The following HERC4 variants were observed in gnomAD, a reference collection of about 807,000 sequenced individuals.
HERC4 encodes HECT and RLD domain containing E3 ubiquitin protein ligase 4.
A neutral mutation model predicts 124.3 loss-of-function variants in HERC4; 28 were observed. The observed-to-expected ratio is 0.23, with a 90% CI of 0.17 to 0.31. The LOEUF is 0.31. HERC4 is among the 10% of genes least tolerant of loss of function. The probability of loss-of-function intolerance (pLI) is 1.00; values close to 1 mark genes in which losing one functional copy is unlikely to be tolerated. For missense variants in HERC4, 713 were observed against 1,229.3 expected (o/e 0.58, Z 6.28); for synonymous variants, 407 against 421.5 (o/e 0.97, Z 0.42).
intron 3 of HERC4, among the ~76,000 whole-genome samples, chr10:68,051,691 CTTT>C (rs779623868): frequency 9.1e-5 from 10 of 109,584 alleles, no homozygotes; most frequent in Admixed American, 5.6e-4. Context: ...CTTTTCTTTT[CTTT>C]TTTTTTTTTT....
At chr10:67,934,716 C>T (rs1353502895) in intron 22 of HERC4, among the ~76,000 whole-genome samples, 1 of 152,120 alleles carries the variant, frequency 6.6e-6, no homozygotes, top group African/African-American at 2.4e-5. Flanking sequence ...AAATTTTGGT[C>T]TTCTAGCTTC....
rs1442990206 is a variant in HERC4 at position 67,922,280 on chromosome 10, G to T, written c.*651C>A. The T allele has an allele frequency of 6.6e-6, 1 of 152,054 alleles. No individual in the cohort carries two copies. The highest frequency in any genetic ancestry group is 6.5e-5 in the Admixed American group (1 of 15,274). The allele number at this position is 152,054 out of a possible 1,614,324, so 9.4% of individuals were successfully genotyped here. Reference sequence around the variant, plus strand: ...CTATCAGTGTGTCAGGATTCACAAAGAAAAGAACTGCAGGTTATGTAGTAT... The same window carrying T: ...CTATCAGTGTGTCAGGATTCACAAATAAAAGAACTGCAGGTTATGTAGTAT... On this transcript the variant is annotated 3_prime_UTR_variant, in exon 25 of 25. Transcript: ENST00000373700.
rs912371238 is a variant in HERC4 at position 67,939,668 on chromosome 10, T to A, written c.2505-14A>T. On this transcript the variant is annotated splice_polypyrimidine_tract_variant and intron_variant, in intron 20 of 24. Coordinates refer to ENST00000373700, the MANE Select transcript of HERC4 (RefSeq NM_015601.4). ...TGTTGCATGCTTCTGCAAAATAATA[T>A]ATATGTTTCTGAGAGGAAAAAATTA... is the stretch of plus-strand genomic sequence containing the variant. The A allele has an allele frequency of 1.3e-6, 2 of 1,565,270 alleles. No homozygotes were observed. The highest frequency in any genetic ancestry group is 4.5e-5 in the East Asian group (2 of 44,376).
chr10:68,038,320 T>A, intron 4 of HERC4, 151 bp from the exon 5 acceptor site: 1 of 450,016 alleles, frequency 2.2e-6, no homozygotes. Flanking sequence ...TACCAAAAAT[T>A]TATGCTAAAA....
intron 15 of HERC4, among the ~76,000 whole-genome samples, chr10:67,972,329 C>G (rs1051912185): frequency 1.5e-4 from 22 of 151,132 alleles, no homozygotes; most frequent in African/African-American, 4.1e-4. Context: ...CAAGACCAGC[C>G]TGACCAACAT....
At chr10:67,934,331 A>G (rs2032132613) in intron 22 of HERC4, among the ~76,000 whole-genome samples, 1 of 152,206 alleles carries the variant, frequency 6.6e-6, no homozygotes, top group Non-Finnish European at 1.5e-5. Context: ...TTCATCGCCA[A>G]CTTCTCCAAA....
chr10:67,983,894 C>T (rs1026282952), intron 15 of HERC4, among the ~76,000 whole-genome samples: 24 of 151,690 alleles, frequency 1.6e-4, no homozygotes, highest in African/African-American at 4.8e-4. Flanking sequence ...ACCCGGGAGA[C>T]GGAGGTTGCA....
chr10:67,973,577 G>A (rs2035382775), intron 15 of HERC4, among the ~76,000 whole-genome samples: 1 of 152,150 alleles, frequency 6.6e-6, no homozygotes, highest in Non-Finnish European at 1.5e-5. Context: ...ATATTATTCG[G>A]CTGAGAGAGT....
At chr10:67,990,553 T>C (rs1237531830) in intron 13 of HERC4, among the ~76,000 whole-genome samples, 153 bp from the exon 14 acceptor site, 2 of 150,300 alleles carry the variant, frequency 1.3e-5, no homozygotes, top group Non-Finnish European at 3.0e-5. Flanking sequence ...AGAAAGACAA[T>C]GTCTTACAAT....
chr10:68,049,611 A>C (rs1054561237), intron 3 of HERC4, among the ~76,000 whole-genome samples: 5 of 151,276 alleles, frequency 3.3e-5, no homozygotes, highest in Admixed American at 2.0e-4. Context: ...AAAAAAAAAA[A>C]AACACTTTGG....
At chr10:68,056,103 T>C (rs1326778727) in intron 3 of HERC4, among the ~76,000 whole-genome samples, 1 of 152,080 alleles carries the variant, frequency 6.6e-6, no homozygotes, top group Non-Finnish European at 1.5e-5. Flanking sequence ...AATTAGTTGC[T>C]TTGAAGAGGA....
At chr10:68,043,513 T>G (rs1469374192) in intron 4 of HERC4, among the ~76,000 whole-genome samples, 1 of 152,138 alleles carries the variant, frequency 6.6e-6, no homozygotes, top group Non-Finnish European at 1.5e-5. Flanking sequence ...TGTTAGAGTT[T>G]TTAATATTAA....
At chr10:68,054,927 T>C (rs1013574065) in intron 3 of HERC4, among the ~76,000 whole-genome samples, 10 of 152,146 alleles carry the variant, frequency 6.6e-5, no homozygotes, top group African/African-American at 1.9e-4. Flanking sequence ...TATTTTTTTA[T>C]GTTGTTTTTA....
chr10:68,057,551 G>A (rs1349732942), intron 3 of HERC4, among the ~76,000 whole-genome samples: 1 of 150,928 alleles, frequency 6.6e-6, no homozygotes, highest in Admixed American at 6.6e-5. Context: ...TTGAACCCAG[G>A]AGGCAGAGGT....
intron 9 of HERC4, among the ~76,000 whole-genome samples, chr10:68,009,600 G>C (rs980601183): frequency 1.3e-5 from 2 of 152,176 alleles, no homozygotes; most frequent in Non-Finnish European, 2.9e-5. Context: ...TGACTGATCA[G>C]GGTGGTAATT....
chr10:68,038,371 G>A (rs553904374), intron 4 of HERC4: 85 of 411,266 alleles, frequency 2.1e-4, no homozygotes, highest in African/African-American at 1.1e-3. Flanking sequence ...AAAAATTAAA[G>A]GGGTGAAAAG....
In HERC4 at chr10:68,051,963, C is replaced by T. The variant is rs117063052; in HGVS notation, c.227-7400G>A. On this transcript the variant is annotated intron_variant, in intron 3 of 24. Coordinates refer to ENST00000373700, the MANE Select transcript of HERC4 (RefSeq NM_015601.4). ...AGATTACAGGCATGAGCCACCGCGC[C>T]CAGCCTCAACTTTTCTTTATGCTTC... Among the ~76,000 whole-genome samples, 786 of 152,044 alleles carry T rather than the reference C, an allele frequency of 5.2e-3. 20 individuals are homozygous for T. Among genetic ancestry groups the T allele is most frequent in the East Asian group, 0.049 (253 of 5,180 alleles).
chr10:67,924,058 AAAAAG>A (rs1485184467), intron 24 of HERC4, among the ~76,000 whole-genome samples: 2 of 152,206 alleles, frequency 1.3e-5, no homozygotes, highest in African/African-American at 4.8e-5. Context: ...AAAGAAAAAG[AAAAAG>A]AAAATGAAGA....
At chr10:67,978,420 T>C (rs1238813280) in intron 15 of HERC4, among the ~76,000 whole-genome samples, 1 of 152,208 alleles carries the variant, frequency 6.6e-6, no homozygotes, top group Non-Finnish European at 1.5e-5. Context: ...TAAGGACTAT[T>C]TTGTGGTTTG....
Sources: allele counts gnomAD v4.1 joint callset (sites outside exome capture counted in the v4.1 genomes callset), GRCh38; gene constraint gnomAD v4.1.1; transcripts MANE v1.5; gene names NCBI Gene and HGNC (gene_info 2026-07-23, HGNC 2026-07-21).